BBX: variants seen among roughly 807,000 people sequenced by gnomAD.
BBX encodes the protein BBX high mobility group box domain containing, also known as HMG box transcription factor BBX.
BBX carries 30 observed loss-of-function variants against 100.2 expected under a neutral mutation model. That is an observed-to-expected ratio of 0.30 (90% CI 0.22 to 0.41). The LOEUF is 0.41. Among genes scored for constraint, BBX ranks in the 10% least tolerant of loss-of-function variants. The pLI, the probability that BBX is intolerant of heterozygous loss-of-function variation, is 1.00. For missense variants in BBX, 1,023 were observed against 1,129.8 expected, an observed-to-expected ratio of 0.91 and a Z score of 1.35; for synonymous variants, 376 against 388.1, an observed-to-expected ratio of 0.97 and a Z score of 0.37.
chr3:107,560,795 G>A (rs2107472612), intron 2 of BBX, among the ~76,000 whole-genome samples: 1 of 152,282 alleles, frequency 6.6e-6, no homozygotes, highest in South Asian at 2.1e-4. Flanking sequence ...ATTTAACATT[G>A]GGGAAAGTGA....
chr3:107,633,288 A>T (rs1402524575), intron 2 of BBX, among the ~76,000 whole-genome samples: 1 of 152,116 alleles, frequency 6.6e-6, no homozygotes, highest in Non-Finnish European at 1.5e-5. Context: ...AGCATAAGCT[A>T]AATATATAAT....
intron 2 of BBX, among the ~76,000 whole-genome samples, chr3:107,559,257 T>C (rs925790496): frequency 6.6e-6 from 1 of 152,144 alleles, no homozygotes; most frequent in Non-Finnish European, 1.5e-5. Flanking sequence ...GGGGAAATTT[T>C]AGGAAAAGAA....
intron 3 of BBX, chr3:107,684,810 TTTG>T (rs962723509): frequency 6.6e-6 from 1 of 152,332 alleles, no homozygotes; most frequent in African/African-American, 2.4e-5. Context: ...AACTGCAGTA[TTTG>T]TTATCTGTCT....
intron 2 of BBX, among the ~76,000 whole-genome samples, chr3:107,603,118 C>G (rs1454344796): frequency 6.6e-6 from 1 of 152,096 alleles, no homozygotes; most frequent in East Asian, 1.9e-4. Flanking sequence ...CTCCCGCCAC[C>G]ATGCCTGGCT....
chr3:107,544,744 G>A (rs1236013957), intron 2 of BBX, among the ~76,000 whole-genome samples: 3 of 150,208 alleles, frequency 2.0e-5, no homozygotes, highest in Admixed American at 6.7e-5. Context: ...GGTGGCTCAC[G>A]TCTGTAGTCC....
chr3:107,574,300 G>A (rs1452020347), intron 2 of BBX, among the ~76,000 whole-genome samples: 1 of 152,110 alleles, frequency 6.6e-6, no homozygotes, highest in African/African-American at 2.4e-5. Context: ...CCTAATAGGG[G>A]GCTCCAAACT....
At chr3:107,670,756 G>A (rs964080682) in intron 3 of BBX, among the ~76,000 whole-genome samples, 4 of 151,968 alleles carry the variant, frequency 2.6e-5, no homozygotes, top group Admixed American at 6.6e-5. Flanking sequence ...ATTTTTTAAT[G>A]AGAGGATCAC....
chr3:107,743,143 A>G (rs978587274), intron 7 of BBX, among the ~76,000 whole-genome samples: 2 of 152,290 alleles, frequency 1.3e-5, no homozygotes, highest in Admixed American at 6.5e-5. Flanking sequence ...TTAAAGTTTT[A>G]TGAAGACATT....
At chr3:107,530,758 C>G (rs1641172559) in intron 2 of BBX, among the ~76,000 whole-genome samples, 3 of 152,202 alleles carry the variant, frequency 2.0e-5, no homozygotes. Context: ...ACATCCCAAT[C>G]CACATAAAAG....
chr3:107,590,196 T>C (rs2053199617), intron 2 of BBX, among the ~76,000 whole-genome samples: 1 of 152,186 alleles, frequency 6.6e-6, no homozygotes, highest in African/African-American at 2.4e-5. Flanking sequence ...TAATTACCTG[T>C]GTGCATTTAT....
intron 10 of BBX, among the ~76,000 whole-genome samples, chr3:107,761,485 A>G (rs1459021144): frequency 2.0e-5 from 3 of 152,214 alleles, no homozygotes; most frequent in Non-Finnish European, 4.4e-5. Flanking sequence ...GAGAGAGCTG[A>G]CAGTGGGAAC....
chr3:107,785,658 T>C (rs2068342668), intron 13 of BBX, among the ~76,000 whole-genome samples: 4 of 151,778 alleles, frequency 2.6e-5, no homozygotes, highest in Non-Finnish European at 5.9e-5. Context: ...CTCAACAAAC[T>C]AGAGTTAAAA....
chr3:107,751,666 T>C (rs905357658), intron 9 of BBX, among the ~76,000 whole-genome samples: 1 of 152,166 alleles, frequency 6.6e-6, no homozygotes, highest in African/African-American at 2.4e-5. Flanking sequence ...ATAAAGCATA[T>C]TTGTTTGTAG....
chr3:107,714,628 T>A (rs1252745641), intron 4 of BBX, among the ~76,000 whole-genome samples: 2 of 152,186 alleles, frequency 1.3e-5, no homozygotes, highest in East Asian at 3.8e-4. Flanking sequence ...TTGTTACCAT[T>A]ATATACATAA....
At chr3:107,762,646 T>A (rs889000169) in intron 10 of BBX, among the ~76,000 whole-genome samples, 1 of 152,184 alleles carries the variant, frequency 6.6e-6, no homozygotes, top group East Asian at 1.9e-4. Flanking sequence ...TGCAAAACAT[T>A]TGTTTTGTAC....
intron 5 of BBX, among the ~76,000 whole-genome samples, chr3:107,718,627 C>T (rs1202452990): frequency 6.6e-6 from 1 of 151,922 alleles, no homozygotes; most frequent in African/African-American, 2.4e-5. Flanking sequence ...CAGCCTGTCC[C>T]CAGAATATTG....
chr3:107,686,802 T>C (rs1162800399), intron 3 of BBX, among the ~76,000 whole-genome samples: 1 of 152,148 alleles, frequency 6.6e-6, no homozygotes, highest in Non-Finnish European at 1.5e-5. Context: ...CATTTTCTAG[T>C]GTCATAGGCA....
chr3:107,716,277 A>G (rs1201964913), intron 4 of BBX, among the ~76,000 whole-genome samples: 1 of 152,172 alleles, frequency 6.6e-6, no homozygotes, highest in Non-Finnish European at 1.5e-5. Context: ...GCTAGGCACT[A>G]TGGTTGTAAA....
At chr3:107,695,800 A>G (rs930902415) in intron 3 of BBX, among the ~76,000 whole-genome samples, 3 of 151,410 alleles carry the variant, frequency 2.0e-5, no homozygotes, top group Non-Finnish European at 4.4e-5. Context: ...GTGGGGTGTT[A>G]AAGTCTCCCA....
Sources: gnomAD v4.1 joint callset for allele counts (sites outside exome capture counted in the v4.1 genomes callset) on GRCh38, gnomAD v4.1.1 for gene constraint, MANE v1.5 for transcripts, NCBI Gene and HGNC (gene_info 2026-07-23, HGNC 2026-07-21) for gene names.